GREP1: variants seen among roughly 807,000 people sequenced by gnomAD.
The protein encoded by GREP1 is glycine-rich extracellular protein 1.
rs2151090898 is a variant in GREP1 at position 2,991,016 on chromosome 16, C to T, written c.269-32C>T. 4 of 399,296 alleles carry T rather than the reference C, an allele frequency of 1.0e-5. No individual in the cohort carries two copies. The highest frequency in any genetic ancestry group is 7.1e-5 in the East Asian group (2 of 28,084). The allele number at this position is 399,296 out of a possible 1,614,324, so 24.7% of individuals were successfully genotyped here. A position where few individuals can be genotyped will look rare whatever the true frequency, so the allele number is the denominator to read the frequency against. On this transcript the variant is annotated intron_variant, in intron 7 of 34. Coordinates refer to ENST00000573315, the Ensembl canonical transcript of GREP1. The surrounding 1 kb of genome is among the most constrained non-coding windows in gnomAD (Gnocchi z 4.9). ...GTCTCTGCTTGACGCCCCATTCCCC[C>T]TCCTCATGTCCCTCTGGCTCTGTCT...
intron 7 of GREP1, among the ~76,000 whole-genome samples, chr16:2,990,801 A>G (rs1175650319): frequency 1.3e-5 from 2 of 152,026 alleles, no homozygotes; most frequent in Non-Finnish European, 2.9e-5. Context: ...GTAAGGGGAC[A>G]GGGGCACCTG....
At chr16:3,001,620 A>C (rs2072462645) in exon 35 of GREP1, 1 of 399,036 alleles carries the variant, frequency 2.5e-6, no homozygotes, top group Admixed American at 4.4e-5. Flanking sequence ...CCAGCAAGGA[A>C]GACAGACCCT....
rs1015102425 is a variant in GREP1 at position 2,995,453 on chromosome 16, T to A, written c.553+16T>A. On this transcript the variant is annotated intron_variant, in intron 15 of 34. Coordinates refer to ENST00000573315, the Ensembl canonical transcript of GREP1. ...GCTCAGCCAGGTGAGACAGATGGGG[T>A]CTGGGGTTCTACCCCTGGGGCGTCC... The A allele has an allele frequency of 1.3e-5, 5 of 398,114 alleles. No homozygotes were observed. In the East Asian group the frequency reaches 1.8e-4, roughly 14 times the overall value. The allele number at this position is 398,114 out of a possible 1,614,324, so 24.7% of individuals were successfully genotyped here. A position where few individuals can be genotyped will look rare whatever the true frequency, so the allele number is the denominator to read the frequency against.
chr16:2,998,651 A>C (rs2072440878), intron 25 of GREP1, 128 bp downstream of exon 23: 1 of 397,814 alleles, frequency 2.5e-6, no homozygotes, highest in Non-Finnish European at 4.4e-6. Flanking sequence ...CCCTGCCTGG[A>C]TCCCCAGGTC....
exon 35 of GREP1, chr16:3,001,901 A>T: frequency 2.8e-6 from 1 of 352,242 alleles, no homozygotes; most frequent in Non-Finnish European, 5.1e-6. Context: ...TCACTTGGTG[A>T]CCGCCTAGCG....
At chr16:2,997,656 G>T (rs940081196) in intron 22 of GREP1, 147 bp from the exon 21 acceptor site, 8 of 397,602 alleles carry the variant, frequency 2.0e-5, no homozygotes, top group Non-Finnish European at 3.1e-5. Context: ...TCCCCATGCC[G>T]CCCCCACAGA....
At chr16:2,996,929 CT>C in intron 20 of GREP1, 123 bp from the exon 20 acceptor site, 1 of 399,262 alleles carries the variant, frequency 2.5e-6, no homozygotes, top group Non-Finnish European at 4.4e-6. Flanking sequence ...ACCACGTTCC[CT>C]TTTTTGCCCC....
chr16:2,999,228 T>C, intron 26 of GREP1: 1 of 398,668 alleles, frequency 2.5e-6, no homozygotes, highest in Middle Eastern at 6.3e-4. Context: ...TCGGCTGGGC[T>C]CACTCCTGCC....
chr16:2,994,605 C>T (rs1190365680), intron 10 of GREP1, 93 bp from the exon 12 acceptor site: 4 of 398,330 alleles, frequency 1.0e-5, no homozygotes, highest in South Asian at 1.4e-4. Flanking sequence ...CTTTCTGGCT[C>T]GTTGAAGTTG....
chr16:3,000,061 T>TAAAACTGTTAGGGTAACTGTAACA, intron 28 of GREP1, 25 bp from the exon 26 acceptor site: 1 of 399,016 alleles, frequency 2.5e-6, no homozygotes, highest in Non-Finnish European at 4.4e-6. Flanking sequence ...CCCCCATCTC[T>TAAAACTGTTAGGGTAACTGTAACA]GAGTCACAGT....
intron 1 of GREP1, 57 bp from the exon 2 acceptor site, chr16:2,988,533 C>T (rs1044894607): frequency 2.0e-5 from 8 of 399,144 alleles, no homozygotes; most frequent in Non-Finnish European, 3.5e-5. Context: ...CTGGGCGCTG[C>T]CCCATCTCAG....
At chr16:2,993,235 G>A in intron 10 of GREP1, 2 of 293,290 alleles carry the variant, frequency 6.8e-6, no homozygotes, top group Non-Finnish European at 1.3e-5. Context: ...TGGACTCACA[G>A]GAAGTCCTTC....
exon 25 of GREP1, chr16:2,998,500 G>A (rs2072439815): frequency 1.5e-5 from 6 of 399,056 alleles, no homozygotes; most frequent in Non-Finnish European, 2.7e-5. Flanking sequence ...CCAGGACACG[G>A]CCATGAAAAT....
intron 21 of GREP1, 126 bp downstream of exon 20, chr16:2,997,211 G>C (rs1027454583): frequency 2.5e-6 from 1 of 398,812 alleles, no homozygotes; most frequent in African/African-American, 2.1e-5. Flanking sequence ...AGGGGGTGTC[G>C]GGCTGATGTC....
At chr16:2,996,886 C>T (rs1040004491) in intron 20 of GREP1, 167 bp from the exon 20 acceptor site, 2 of 399,364 alleles carry the variant, frequency 5.0e-6, no homozygotes, top group African/African-American at 2.1e-5. Flanking sequence ...CCTTCCTGGC[C>T]CCTGCCTCCC....
rs1011449788 is a variant in GREP1 at position 2,990,132 on chromosome 16, G to A, written c.199+10G>A. 5.3e-5 allele frequency: 21 copies of A among 399,154 alleles called. No individual in the cohort carries two copies. The highest frequency in any genetic ancestry group is 2.7e-4 in the African/African-American group (13 of 48,608). The allele number at this position is 399,154 out of a possible 1,614,324, so 24.7% of individuals were successfully genotyped here. On this transcript the variant is annotated intron_variant, in intron 5 of 34. Coordinates refer to ENST00000573315, the Ensembl canonical transcript of GREP1. ...CTGGGAACCCAGCCAGGTGAGAGCC[G>A]TGGGGTCCCCTCCTTCCCTCCCTCC...
At chr16:2,988,298 G>A (rs550095559) in exon 1 of GREP1, 2 of 399,268 alleles carry the variant, frequency 5.0e-6, no homozygotes, top group Non-Finnish European at 8.8e-6. Flanking sequence ...GGCCTTCCCC[G>A]CAGCCCTTTT....
chr16:2,994,873 C>G (rs761556493), intron 12 of GREP1, 35 bp downstream of exon 13: 91 of 399,124 alleles, frequency 2.3e-4, no homozygotes, highest in Non-Finnish European at 3.6e-4. Flanking sequence ...TCTGCCTCCC[C>G]AAAACCTGAG....
intron 5 of GREP1, 23 bp downstream of exon 5, chr16:2,990,145 C>T (rs2072391132): frequency 2.5e-6 from 1 of 399,190 alleles, no homozygotes; most frequent in East Asian, 3.6e-5. Flanking sequence ...GGGTCCCCTC[C>T]TTCCCTCCCT....
Sources: gnomAD v4.1 joint callset for allele counts (sites outside exome capture counted in the v4.1 genomes callset) on GRCh38, gnomAD v4.1.1 for gene constraint, Gnocchi (gnomAD v3.1) non-coding constraint, MANE v1.5 for transcripts, NCBI Gene and HGNC (gene_info 2026-07-23, HGNC 2026-07-21) for gene names.